Variants in ZFYVE9 observed in about 807,000 individuals in gnomAD.
ZFYVE9 encodes zinc finger FYVE domain-containing protein 9.
In ZFYVE9, 43 loss-of-function variants were observed where a neutral mutation model predicts 126.7. The ratio of observed to expected loss-of-function variants is 0.34; its 90% CI spans 0.27 to 0.44. The LOEUF is 0.44. Among genes scored for constraint, ZFYVE9 ranks in the 20% least tolerant of loss-of-function variants. The pLI is 1.00. For synonymous variants in ZFYVE9, 521 were observed against 597.4 expected (o/e 0.87, Z 1.87); for missense variants, 1,476 against 1,697.0 (o/e 0.87, Z 2.29).
chr1:52,145,015 C>T (rs1168173156), intron 1 of ZFYVE9, among the ~76,000 whole-genome samples: 1 of 152,150 alleles, frequency 6.6e-6, no homozygotes, highest in Non-Finnish European at 1.5e-5. Context: ...CTAAACTTGT[C>T]CTGTGGAAGC....
chr1:52,192,606 A>T (rs990731792), intron 1 of ZFYVE9, among the ~76,000 whole-genome samples: 79 of 152,338 alleles, frequency 5.2e-4, no homozygotes, highest in African/African-American at 1.9e-3. Flanking sequence ...ACAAAACCTG[A>T]CAGCCCATGG....
At chr1:52,275,999 C>T (rs1645744886) in intron 8 of ZFYVE9, among the ~76,000 whole-genome samples, 1 of 151,262 alleles carries the variant, frequency 6.6e-6, no homozygotes, top group South Asian at 2.1e-4. Flanking sequence ...CCTCCGCCTC[C>T]CGGGTTCAAG....
intron 2 of ZFYVE9, among the ~76,000 whole-genome samples, chr1:52,232,708 ACAAGAGTGAGACTCTGTCT>A (rs1249973629): frequency 1.4e-5 from 2 of 147,572 alleles, no homozygotes; most frequent in Non-Finnish European, 3.0e-5. Flanking sequence ...AGCCTAGGCA[ACAAGAGTGAGACTCTGTCT>A]CAAAAAAAAA....
At chr1:52,213,001 C>T (rs1385115579) in intron 1 of ZFYVE9, among the ~76,000 whole-genome samples, 3 of 152,146 alleles carry the variant, frequency 2.0e-5, no homozygotes, top group African/African-American at 7.2e-5. Context: ...ATGTTGTATA[C>T]CTATCCATCT....
intron 13 of ZFYVE9, among the ~76,000 whole-genome samples, chr1:52,310,919 G>T (rs1005093611): frequency 2.0e-5 from 3 of 152,246 alleles, no homozygotes; most frequent in Non-Finnish European, 4.4e-5. Flanking sequence ...TGCCCAGGCA[G>T]GAGTGCAGTG....
chr1:52,252,927 A>G (rs1645466408), intron 4 of ZFYVE9, among the ~76,000 whole-genome samples: 1 of 152,202 alleles, frequency 6.6e-6, no homozygotes, highest in African/African-American at 2.4e-5. Flanking sequence ...ATTATTTGAA[A>G]AACAGTCTAG....
Position 52,281,785 on chromosome 1 carries a change from C to T in ZFYVE9, c.2994C>T (p.His998=), listed in dbSNP as rs1445540396. The stretch of plus-strand genomic sequence containing the variant: ...GTTTGCCAAAGGATATCTTTAATCA[C>T]TTTGTGCAGCTTTATCGGGATGCTC... ...EKCLPKDIFN[H]FVQLYRDALA... is the part of the protein sequence containing the mutation. Residue 998 remains histidine (H), a synonymous_variant, in exon 10 of 19, where the codon CAC becomes CAT. Transcript: ENST00000287727. The T allele has an allele frequency of 4.3e-6, 7 of 1,614,158 alleles. No individual in the cohort carries two copies. Among genetic ancestry groups the T allele is most frequent in the Non-Finnish European group, 5.9e-6 (7 of 1,180,022 alleles).
chr1:52,247,307 C>G (rs1247339269), intron 4 of ZFYVE9, among the ~76,000 whole-genome samples: 1 of 152,048 alleles, frequency 6.6e-6, no homozygotes. Flanking sequence ...TTTTTTGCAT[C>G]TCTTCTCCTG....
At chr1:52,211,620 A>T (rs921286287) in intron 1 of ZFYVE9, among the ~76,000 whole-genome samples, 1 of 152,196 alleles carries the variant, frequency 6.6e-6, no homozygotes. Flanking sequence ...CCGGAGGAAC[A>T]CTTGAGCCCA....
chr1:52,231,130 A>G (rs1476269409), intron 2 of ZFYVE9, among the ~76,000 whole-genome samples: 3 of 152,238 alleles, frequency 2.0e-5, no homozygotes, highest in Non-Finnish European at 4.4e-5. Context: ...GCATTAGTAG[A>G]CATTAAATGT....
chr1:52,281,866 A>T (rs772126409), intron 10 of ZFYVE9, 50 bp downstream of exon 10: 10 of 1,603,700 alleles, frequency 6.2e-6, no homozygotes, highest in Non-Finnish European at 6.8e-6. Context: ...TGACAAAAAA[A>T]TTTTGAATTC....
intron 13 of ZFYVE9, among the ~76,000 whole-genome samples, chr1:52,320,093 A>G (rs1646224905): frequency 6.8e-6 from 1 of 147,566 alleles, no homozygotes; most frequent in Non-Finnish European, 1.5e-5. Flanking sequence ...TTTTTTTGAC[A>G]GAGGTTCGCT....
intron 8 of ZFYVE9, among the ~76,000 whole-genome samples, 157 bp downstream of exon 8, chr1:52,274,741 T>C (rs2147809764): frequency 6.6e-6 from 1 of 152,316 alleles, no homozygotes; most frequent in African/African-American, 2.4e-5. Flanking sequence ...CTGTTATTAT[T>C]TTAGAGTAGA....
chr1:52,162,688 C>T (rs1168812704), intron 1 of ZFYVE9: 7 of 293,094 alleles, frequency 2.4e-5, no homozygotes, highest in Admixed American at 1.5e-4. Context: ...TCTGGATTTG[C>T]CCTTCTGCCA....
intron 1 of ZFYVE9, among the ~76,000 whole-genome samples, chr1:52,143,491 T>A (rs983473398): frequency 1.3e-5 from 2 of 152,218 alleles, no homozygotes; most frequent in African/African-American, 4.8e-5. Flanking sequence ...ATGCTTATTG[T>A]AGAAAACTTG....
intron 1 of ZFYVE9, among the ~76,000 whole-genome samples, chr1:52,194,834 TAA>T (rs1421690797): frequency 1.3e-5 from 2 of 152,150 alleles, no homozygotes; most frequent in Non-Finnish European, 2.9e-5. Context: ...TTGATAGGGA[TAA>T]GAGCTAAATT....
chr1:52,242,256 T>C (rs1017073509), intron 4 of ZFYVE9, among the ~76,000 whole-genome samples: 3 of 152,170 alleles, frequency 2.0e-5, no homozygotes, highest in African/African-American at 7.2e-5. Flanking sequence ...GGCCTGGAAC[T>C]CCTGACCTTA....
At chr1:52,196,974 G>T (rs1448423197) in intron 1 of ZFYVE9, among the ~76,000 whole-genome samples, 1 of 152,104 alleles carries the variant, frequency 6.6e-6, no homozygotes, top group African/African-American at 2.4e-5. Context: ...TTATTATCAA[G>T]ATATATTTAA....
chr1:52,212,753 AG>A (rs571770389), intron 1 of ZFYVE9, among the ~76,000 whole-genome samples: 83 of 152,360 alleles, frequency 5.4e-4, no homozygotes, highest in African/African-American at 1.8e-3. Context: ...ATGAATAAAA[AG>A]GGTTTCCTGT....
Sources: gnomAD v4.1 joint callset for allele counts (sites outside exome capture counted in the v4.1 genomes callset) on GRCh38, gnomAD v4.1.1 for gene constraint, MANE v1.5 for transcripts, NCBI Gene and HGNC (gene_info 2026-07-23, HGNC 2026-07-21) for gene names.